Variants in ARHGEF11 observed in about 807,000 individuals in gnomAD.
ARHGEF11 encodes Rho guanine exchange factor (GEF) 11.
ARHGEF11 carries 55 observed loss-of-function variants against 193.7 expected under a neutral mutation model. The observed-to-expected ratio is 0.28, with a 90% confidence interval of 0.23 to 0.36. The LOEUF is 0.36. Ranked by LOEUF, ARHGEF11 falls within the 10% of genes least tolerant of loss-of-function variation. The pLI, the probability that ARHGEF11 is intolerant of heterozygous loss-of-function variation, is 1.00. For missense variants in ARHGEF11, 1,723 were observed against 2,005.6 expected (o/e 0.86, Z 2.69); for synonymous variants, 693 against 768.0 (o/e 0.90, Z 1.62).
chr1:156,935,737 C>A lies in ARHGEF11; in HGVS notation c.*263G>T. On this transcript the variant is annotated 3_prime_UTR_variant, in exon 41 of 41. Transcript: ENST00000368194. ...GAGGGCAGACCATGGTGAGTGGGGG[C>A]CTTTCGGATGCAGTCAGCATGCTTA... 1 of 477,062 alleles carries A rather than the reference C, an allele frequency of 2.1e-6. No homozygotes were observed. Among genetic ancestry groups the A allele is most frequent in the Non-Finnish European group, 3.7e-6 (1 of 267,264 alleles). 29.6% of individuals were successfully genotyped at this position (477,062 alleles called of 1,614,324 possible). A position where few individuals can be genotyped will look rare whatever the true frequency, so the allele number is the denominator to read the frequency against.
At position 157,044,410 on chromosome 1, in the gene ARHGEF11, G is replaced by A. The variant is rs1017630725; in HGVS notation, c.-80C>T. On this transcript the variant is annotated 5_prime_UTR_variant, in exon 1 of 41. Coordinates refer to ENST00000368194, the MANE Select transcript of ARHGEF11 (RefSeq NM_198236.3). ...GGATTGAATCGCTTGCAATTTTTGA[G>A]CAAGGTGAGAGGAGGGCCTCCCAAC... is the stretch of plus-strand genomic sequence containing the variant. 1 of 1,468,892 alleles carries A rather than the reference G, an allele frequency of 6.8e-7. No individual in the cohort carries two copies. Among genetic ancestry groups the A allele is most frequent in the African/African-American group, 1.4e-5 (1 of 71,572 alleles). 91.0% of individuals were successfully genotyped at this position (1,468,892 alleles called of 1,614,324 possible). A position where few individuals can be genotyped will look rare whatever the true frequency, so the allele number is the denominator to read the frequency against.
intron 33 of ARHGEF11, 62 bp from the exon 34 acceptor site, chr1:156,942,051 C>A: frequency 1.2e-6 from 2 of 1,610,842 alleles, no homozygotes; most frequent in Non-Finnish European, 1.7e-6. Flanking sequence ...CGCACCACCC[C>A]GTACTGAGCC....
At chr1:156,954,761 G>T in intron 21 of ARHGEF11, 131 bp downstream of exon 21, 1 of 821,096 alleles carries the variant, frequency 1.2e-6, no homozygotes, top group Non-Finnish European at 2.0e-6. Context: ...AAGAGAAATG[G>T]AGAGAAGAAA....
intron 1 of ARHGEF11, among the ~76,000 whole-genome samples, chr1:157,022,229 A>G (rs144165370): frequency 1.2e-3 from 185 of 152,334 alleles, no homozygotes; most frequent in African/African-American, 4.2e-3. Flanking sequence ...GTGGGAAAGG[A>G]AGAAGAAAAA....
In ARHGEF11 at chr1:156,944,420, G is replaced by A. The variant is rs1215285681; in HGVS notation, c.3005C>T (p.Thr1002Ile). 1.2e-6 allele frequency: 2 copies of A among 1,613,120 alleles called. No homozygotes were observed. Among genetic ancestry groups the A allele is most frequent in the Non-Finnish European group, 1.7e-6 (2 of 1,179,922 alleles). The change falls in exon 31 of 41, where the codon ACA (threonine) becomes ATA (isoleucine). Residue 1002 changes from threonine to isoleucine, a missense_variant. Physicochemically the swap from Thr to Ile is moderately conservative, Grantham distance 89. Coordinates refer to ENST00000368194, the MANE Select transcript of ARHGEF11 (RefSeq NM_198236.3). ...LAAEFKSLDL[T>I]TRKMIHEGPL... ...TCCCTCATGGATCATTTTTCTGGTTGTAAGATCCAGGCTCTGTTAAGGAGA... is the reference window on the plus strand; with the variant it reads ...TCCCTCATGGATCATTTTTCTGGTTATAAGATCCAGGCTCTGTTAAGGAGA...
rs1655486742 is a variant in ARHGEF11 at position 156,936,845 on chromosome 1, C to T, written c.4601G>A (p.Ser1534Asn). The T allele has an allele frequency of 6.2e-7, 1 of 1,614,100 alleles. No homozygotes were observed. Among genetic ancestry groups the T allele is most frequent in the South Asian group, 1.1e-5 (1 of 91,076 alleles). Residue 1534 changes from serine (S) to asparagine (N), a missense_variant, in exon 40 of 41, where the codon AGC (serine) becomes AAC (asparagine). Physicochemically the swap from Ser to Asn is conservative, Grantham distance 46 (BLOSUM62 1). Coordinates refer to ENST00000368194, the MANE Select transcript of ARHGEF11 (RefSeq NM_198236.3). ...KEPLASDSRN[S>N]HELGPCPEDG... is the part of the protein sequence containing the mutation. ...CTCAGGGCAGGGCCCCAGTTCATGG[C>T]TGTTCCTGGAGTCAGAAGCTAGGGG...
chr1:156,949,089 G>C, intron 22 of ARHGEF11: 1 of 985,426 alleles, frequency 1.0e-6, no homozygotes, highest in South Asian at 4.7e-5. Flanking sequence ...CCTTCCAGTT[G>C]TGATGTGGAT....
At chr1:157,032,996 G>A (rs141238237) in intron 1 of ARHGEF11, among the ~76,000 whole-genome samples, 1 of 151,860 alleles carries the variant, frequency 6.6e-6, no homozygotes, top group African/African-American at 2.4e-5. Context: ...ATGCCTCTCA[G>A]GGTTCTGTGC....
At chr1:157,014,235 C>G (rs1268577032) in intron 1 of ARHGEF11, among the ~76,000 whole-genome samples, 3 of 152,146 alleles carry the variant, frequency 2.0e-5, no homozygotes, top group Non-Finnish European at 2.9e-5. Flanking sequence ...AGCCTTTAAG[C>G]ACTGTTCTTC....
chr1:156,990,075 A>G (rs1203044527), intron 1 of ARHGEF11, among the ~76,000 whole-genome samples: 1 of 152,156 alleles, frequency 6.6e-6, no homozygotes, highest in East Asian at 1.9e-4. Context: ...CTATTCCCCA[A>G]TTGCCTCAGT....
chr1:156,964,102 T>C (rs752780545), intron 11 of ARHGEF11, among the ~76,000 whole-genome samples: 2 of 152,170 alleles, frequency 1.3e-5, no homozygotes, highest in African/African-American at 2.4e-5. Flanking sequence ...GATCTCTGCC[T>C]CTCTGAACAA....
chr1:156,977,660 C>T (rs1373223585), intron 6 of ARHGEF11, among the ~76,000 whole-genome samples: 1 of 152,180 alleles, frequency 6.6e-6, no homozygotes, highest in African/African-American at 2.4e-5. Context: ...GTGATCCTCC[C>T]ACCTTAGCCC....
chr1:156,942,774 C>T lies in ARHGEF11; in HGVS notation c.3242G>A (p.Arg1081Gln), dbSNP rs1358522604. The change falls in exon 33 of 41, where the codon CGG (arginine) becomes CAG (glutamine). Residue 1081 changes from arginine (R) to glutamine (Q), a missense_variant. This residue lies in a region of ARHGEF11 where 23 missense variants were observed against 58.7 expected (regional missense o/e 0.39). Transcript: ENST00000368194. ...GGAGGTGCAGATGATGAAGAAGGCC[C>T]GTTTATCTGTGTGAGGAAAGGAAGG... ...VLIRSVATDK[R>Q]AFFIICTSKL... 2.5e-6 allele frequency: 4 copies of T among 1,613,762 alleles called. No homozygotes were observed. The highest frequency in any genetic ancestry group is 1.3e-5 in the African/African-American group (1 of 74,896).
At chr1:156,976,010 T>A (rs1196445988) in intron 7 of ARHGEF11, among the ~76,000 whole-genome samples, 1 of 152,186 alleles carries the variant, frequency 6.6e-6, no homozygotes, top group Non-Finnish European at 1.5e-5. Context: ...TAATATAGTA[T>A]ATCTTCATTC....
upstream of ARHGEF11, among the ~76,000 whole-genome samples, chr1:157,046,842 C>CA (rs940390126): frequency 5.3e-5 from 8 of 151,680 alleles, no homozygotes; most frequent in Non-Finnish European, 1.0e-4. Context: ...AAACCCCCCC[C>CA]CTCTACTAAA....
rs2101946524 is a variant in ARHGEF11, at chr1:156,948,091, C to T, written c.2153+90G>A. On this transcript the variant is annotated intron_variant, in intron 24 of 40. Coordinates refer to ENST00000368194, the MANE Select transcript of ARHGEF11 (RefSeq NM_198236.3). This position sits in a 1 kb window ranked among gnomAD's most constrained non-coding sequence, Gnocchi z 4.2. ...TGGGCCCAGAAGAGGAGACAGCCAC[C>T]CAACCAGCCCCTTGCAGGTGAGAGG... 6 of 1,535,866 alleles carry T rather than the reference C, an allele frequency of 3.9e-6. No individual in the cohort carries two copies. The highest frequency in any genetic ancestry group is 3.8e-5 in the South Asian group (3 of 78,904).
chr1:156,981,712 C>T (rs575617771), intron 3 of ARHGEF11, among the ~76,000 whole-genome samples: 5 of 152,240 alleles, frequency 3.3e-5, no homozygotes, highest in Admixed American at 1.3e-4. Flanking sequence ...TGAGCTCAGG[C>T]AATCCTCCTG....
Position 156,978,368 on chromosome 1 carries a change from C to A in ARHGEF11, c.346G>T (p.Ala116Ser), listed in dbSNP as rs367970481. ...VKLIKSGAYV[A>S]LTLLGSSPSS... ...GGTGAAGAGCCCAGGAGGGTGAGTG[C>A]GACATAGGCGCCAGCTAGAGGGAAA... Residue 116 changes from alanine (A) to serine (S), a missense_variant, in exon 6 of 41, where the codon GCA (alanine) becomes TCA (serine). Transcript: ENST00000368194. 2 of 1,600,924 alleles carry A rather than the reference C, an allele frequency of 1.2e-6. No individual in the cohort carries two copies. The highest frequency in any genetic ancestry group is 1.1e-5 in the South Asian group (1 of 89,410).
In ARHGEF11 at chr1:156,947,757, G is replaced by A; in HGVS notation, c.2341+12C>T. On this transcript the variant is annotated intron_variant, in intron 25 of 40. Coordinates refer to ENST00000368194, the MANE Select transcript of ARHGEF11 (RefSeq NM_198236.3). ...TGTGAGCGGAGCTGGGGGCAGTGGA[G>A]CACGTTCTCACCATTGATGACCTCT... The A allele has an allele frequency of 1.9e-6, 3 of 1,611,812 alleles. No homozygotes were observed. The highest frequency in any genetic ancestry group is 2.1e-4 in the Middle Eastern group (1 of 4,760).
Sources: gnomAD v4.1 joint callset for allele counts (sites outside exome capture counted in the v4.1 genomes callset) on GRCh38, gnomAD v4.1.1 for gene constraint, gnomAD v4.1.1 regional missense constraint, Gnocchi (gnomAD v3.1) non-coding constraint, MANE v1.5 for transcripts, NCBI Gene and HGNC (gene_info 2026-07-23, HGNC 2026-07-21) for gene names.